Variants in PAGE2B observed in about 807,000 individuals in gnomAD.
PAGE2B encodes putative G antigen family E member 3.
Under a neutral mutation model 7.6 loss-of-function variants are expected in PAGE2B, and 5 were observed. That is an observed-to-expected ratio of 0.66 (90% CI 0.34 to 1.38). PAGE2B has a LOEUF of 1.38. Among genes scored for constraint, PAGE2B ranks in the 40% most tolerant of loss-of-function variants. The pLI, the probability that PAGE2B is intolerant of heterozygous loss-of-function variation, is 0.04. For missense variants in PAGE2B, 70 were observed against 78.4 expected, an observed-to-expected ratio of 0.89 and a Z score of 0.41; for synonymous variants, 29 against 26.7, an observed-to-expected ratio of 1.09 and a Z score of -0.27.
chrX:55,070,095 C>A (rs1191607804), upstream of PAGE2B, among the ~76,000 whole-genome samples: 1 of 111,006 alleles, frequency 9.0e-6, no homozygotes, highest in Non-Finnish European at 1.9e-5. Context: ...AATGTGTTTG[C>A]TCTTGCTTCT....
chrX:55,038,728 G>A, the PAGE2B span, among the ~76,000 whole-genome samples: 1 of 111,456 alleles, frequency 9.0e-6, no homozygotes, highest in Admixed American at 9.6e-5. Context: ...AATGCATTTA[G>A]ATCCAATATT....
the PAGE2B span, among the ~76,000 whole-genome samples, chrX:55,043,666 T>A: frequency 4.7e-3 from 528 of 111,361 alleles, 6 homozygotes; most frequent in East Asian, 0.061. Context: ...GCCATAATTT[T>A]AAAAATCAAA....
At chrX:55,051,800 C>G in the PAGE2B span, among the ~76,000 whole-genome samples, 3 of 111,927 alleles carry the variant, frequency 2.7e-5, no homozygotes, top group South Asian at 1.1e-3. Context: ...AAGCCTTCTT[C>G]TCTCAACTCA....
At chrX:55,037,605 A>G in the PAGE2B span, among the ~76,000 whole-genome samples, 1 of 111,173 alleles carries the variant, frequency 9.0e-6, no homozygotes, top group South Asian at 3.9e-4. Context: ...ATGCGCATGT[A>G]TGTTTATTGC....
intron 3 of PAGE2B, among the ~76,000 whole-genome samples, 168 bp from the exon 4 acceptor site, chrX:55,077,231 A>G (rs1326607481): frequency 8.9e-6 from 1 of 112,242 alleles, no homozygotes; most frequent in Admixed American, 9.4e-5. Context: ...TGGGAAAGGA[A>G]AGGGCAATGT....
At chrX:55,076,417 T>A (rs1936518371) in intron 2 of PAGE2B, 152 bp from the exon 3 acceptor site, 3 of 545,173 alleles carry the variant, frequency 5.5e-6, no homozygotes, top group Admixed American at 7.9e-5. Flanking sequence ...TGTATGTATA[T>A]ACGTATGTAT....
the PAGE2B span, among the ~76,000 whole-genome samples, chrX:55,036,441 C>A: frequency 9.0e-6 from 1 of 111,072 alleles, no homozygotes. Flanking sequence ...GTGGGTTTGT[C>A]ATAGATAGCT....
At chrX:55,075,432 G>A (rs1194105198) in intron 1 of PAGE2B, among the ~76,000 whole-genome samples, 1 of 110,930 alleles carries the variant, frequency 9.0e-6, no homozygotes, top group Non-Finnish European at 1.9e-5. Context: ...ACAGTTTCCA[G>A]ACTCCTCGGT....
the PAGE2B span, among the ~76,000 whole-genome samples, chrX:55,035,678 A>G: frequency 8.9e-6 from 1 of 112,271 alleles, no homozygotes; most frequent in African/African-American, 3.2e-5. Context: ...GGGTTCTGCC[A>G]TTTATTAACT....
At chrX:55,072,634 G>A (rs1348098108), upstream of PAGE2B, among the ~76,000 whole-genome samples, 7 of 112,380 alleles carry the variant, frequency 6.2e-5, no homozygotes, top group Non-Finnish European at 1.3e-4. Context: ...GAGACGGCGG[G>A]CAGGAACATT....
the PAGE2B span, among the ~76,000 whole-genome samples, chrX:55,041,078 C>CTTTTTTTT: frequency 2.4e-5 from 2 of 82,152 alleles, no homozygotes; most frequent in Non-Finnish European, 4.8e-5. Context: ...TTCAATAATT[C>CTTTTTTTT]TTTTTTTTTT....
At chrX:55,050,657 C>G in the PAGE2B span, among the ~76,000 whole-genome samples, 1 of 110,863 alleles carries the variant, frequency 9.0e-6, no homozygotes, top group Non-Finnish European at 1.9e-5. Context: ...TTTCCATTTG[C>G]TTGGTAGATC....
chrX:55,072,491 C>A (rs1936459479), upstream of PAGE2B, among the ~76,000 whole-genome samples: 1 of 112,504 alleles, frequency 8.9e-6, no homozygotes, highest in Non-Finnish European at 1.9e-5. Context: ...TGTCTGTGGA[C>A]CCCTGCTGGG....
upstream of PAGE2B, among the ~76,000 whole-genome samples, chrX:55,070,512 G>A (rs1193075544): frequency 1.8e-5 from 2 of 111,818 alleles, no homozygotes; most frequent in East Asian, 2.8e-4. Flanking sequence ...ATATTCTGTT[G>A]ATTTGGGGTG....
At chrX:55,076,370 ATATG>A (rs759691610) in intron 2 of PAGE2B, among the ~76,000 whole-genome samples, 195 bp from the exon 3 acceptor site, 77 of 106,207 alleles carry the variant, frequency 7.2e-4, no homozygotes, top group South Asian at 1.6e-3. Flanking sequence ...ATATATGTAT[ATATG>A]TATGTATGTA....
the PAGE2B span, among the ~76,000 whole-genome samples, chrX:55,038,643 A>G: frequency 8.9e-6 from 1 of 112,140 alleles, no homozygotes; most frequent in African/African-American, 3.2e-5. Flanking sequence ...AGAGGCAGGT[A>G]TAAATAAATA....
At chrX:55,071,829 A>T (rs996461081), upstream of PAGE2B, among the ~76,000 whole-genome samples, 1 of 111,749 alleles carries the variant, frequency 8.9e-6, no homozygotes, top group African/African-American at 3.3e-5. Context: ...AATCACTTCA[A>T]TCACTTCATC....
upstream of PAGE2B, among the ~76,000 whole-genome samples, chrX:55,073,272 A>G (rs1042359623): frequency 6.3e-5 from 7 of 111,814 alleles, no homozygotes; most frequent in South Asian, 3.8e-4. Context: ...TCTGGGCCAG[A>G]TAGCACAGTA....
upstream of PAGE2B, among the ~76,000 whole-genome samples, chrX:55,071,915 G>A (rs1426272446): frequency 8.9e-5 from 10 of 111,852 alleles, no homozygotes; most frequent in African/African-American, 2.0e-4. Flanking sequence ...GGCCATTTTT[G>A]TTCTTCCCTA....
Sources: gnomAD v4.1 joint callset for allele counts (sites outside exome capture counted in the v4.1 genomes callset) on GRCh38, gnomAD v4.1.1 for gene constraint, MANE v1.5 for transcripts, NCBI Gene and HGNC (gene_info 2026-07-23, HGNC 2026-07-21) for gene names.